KIAA1958: variants seen among roughly 807,000 people sequenced by gnomAD.
KIAA1958 encodes uncharacterized protein KIAA1958.
Under a neutral mutation model 47.2 loss-of-function variants are expected in KIAA1958, and 14 were observed. The ratio of observed to expected loss-of-function variants is 0.30; its 90% confidence interval spans 0.20 to 0.46. The LOEUF (loss-of-function observed/expected upper bound fraction) is 0.46. Among genes scored for constraint, KIAA1958 ranks in the 20% least tolerant of loss-of-function variants. The probability of loss-of-function intolerance (pLI) is 1.00; values close to 1 mark genes in which losing one functional copy is unlikely to be tolerated. For synonymous variants in KIAA1958, 354 were observed against 353.3 expected, an observed-to-expected ratio of 1.00 and a Z score of -0.02; for missense variants, 803 against 909.2, an observed-to-expected ratio of 0.88 and a Z score of 1.50.
At chr9:112,517,480 T>C (rs556669343) in intron 1 of KIAA1958, among the ~76,000 whole-genome samples, 8 of 152,340 alleles carry the variant, frequency 5.3e-5, no homozygotes, top group Non-Finnish European at 1.0e-4. Flanking sequence ...AAACCTAATA[T>C]TGTAAAATTT....
chr9:112,581,158 C>T (rs1209452217), intron 2 of KIAA1958, among the ~76,000 whole-genome samples: 2 of 152,158 alleles, frequency 1.3e-5, no homozygotes, highest in East Asian at 3.8e-4. Context: ...TTAGCTACGT[C>T]ATTTCACTTC....
At chr9:112,617,846 T>C in intron 2 of KIAA1958, 1 of 1,525,340 alleles carries the variant, frequency 6.6e-7, no homozygotes, top group Non-Finnish European at 8.8e-7. Flanking sequence ...ACCCTCTCTA[T>C]CCCTCCCCCC....
In KIAA1958 at chr9:112,660,737, A is replaced by G. The variant is rs1219850475; in HGVS notation, c.*668A>G. The G allele has an allele frequency of 6.6e-6, 1 of 152,450 alleles. No homozygotes were observed. The highest frequency in any genetic ancestry group is 6.5e-5 in the Admixed American group (1 of 15,292). 9.4% of individuals were successfully genotyped at this position (152,450 alleles called of 1,614,324 possible). ...AATGGAGAGAATTTTATGATAAAAG[A>G]TTCACGCACCAGAAGGGTGTCTGTG... On this transcript the variant is annotated 3_prime_UTR_variant, in exon 4 of 4. Transcript: ENST00000337530.
chr9:112,553,329 A>G (rs963556760), intron 1 of KIAA1958, among the ~76,000 whole-genome samples: 17 of 151,910 alleles, frequency 1.1e-4, no homozygotes, highest in African/African-American at 4.1e-4. Context: ...CTGGGACTAC[A>G]GCTCATCTAG....
At chr9:112,498,857 G>A (rs1302821498) in intron 1 of KIAA1958, among the ~76,000 whole-genome samples, 1 of 152,128 alleles carries the variant, frequency 6.6e-6, no homozygotes, top group African/African-American at 2.4e-5. Flanking sequence ...CTATCTAGCT[G>A]TAATTTTGTA....
intron 1 of KIAA1958, among the ~76,000 whole-genome samples, chr9:112,510,933 G>A (rs1834316605): frequency 6.6e-6 from 1 of 152,060 alleles, no homozygotes; most frequent in Admixed American, 6.5e-5. Flanking sequence ...TAAAATCCCT[G>A]AGGTGGGGAC....
At chr9:112,614,504 T>C (rs1330276410) in intron 2 of KIAA1958, among the ~76,000 whole-genome samples, 1 of 152,230 alleles carries the variant, frequency 6.6e-6, no homozygotes, top group East Asian at 1.9e-4. Flanking sequence ...TGTATTTTAT[T>C]ATCAGTCTTC....
intron 2 of KIAA1958, among the ~76,000 whole-genome samples, chr9:112,638,135 A>G (rs1588049965): frequency 6.6e-6 from 1 of 152,238 alleles, no homozygotes; most frequent in East Asian, 1.9e-4. Flanking sequence ...GGCAACAGCG[A>G]GAGACTCCAT....
Position 112,548,444 on chromosome 9 carries a change from G to T in KIAA1958, c.-24-25613G>T, listed in dbSNP as rs553998333. On this transcript the variant is annotated intron_variant, in intron 1 of 3. Transcript: ENST00000337530. ...ACCAGGCTGTAGCCTGACCACCTTG[G>T]GTACATGTTCTTAGGATCTCCTGGG... Among the ~76,000 whole-genome samples the T allele has an allele frequency of 4.6e-5, 7 of 152,152 alleles. No homozygotes were observed. In the East Asian group the frequency reaches 1.4e-3, roughly 29 times the overall value.
rs1294196613 is a variant in KIAA1958 at position 112,618,054 on chromosome 9, C to A, written c.1172-27596C>A. The A allele has an allele frequency of 6.4e-7, 1 of 1,550,544 alleles. No homozygotes were observed. The highest frequency in any genetic ancestry group is 1.2e-5 in the South Asian group (1 of 84,056). On this transcript the variant is annotated intron_variant, in intron 2 of 3. Coordinates refer to ENST00000337530, the MANE Select transcript of KIAA1958 (RefSeq NM_133465.4). This position sits in a 1 kb window ranked among gnomAD's most constrained non-coding sequence, Gnocchi z 7.1. ...TACCTTGCCTCTTTCTTTGTTGATG[C>A]CAGGCAGAAGGATGGGTCCGAATAC...
chr9:112,489,244 TATTTAAAAAAGATAAGCTAACG>T (rs1833920772), intron 1 of KIAA1958, among the ~76,000 whole-genome samples: 1 of 152,222 alleles, frequency 6.6e-6, no homozygotes, highest in East Asian at 1.9e-4. Flanking sequence ...CTCTTTAAAA[TATTTAAAAAAGATAAGCTAACG>T]ATTGAATTGC....
At chr9:112,647,520 GAATA>G (rs1694613771) in intron 3 of KIAA1958, among the ~76,000 whole-genome samples, 1 of 151,856 alleles carries the variant, frequency 6.6e-6, no homozygotes, top group South Asian at 2.1e-4. Context: ...GCATGAGGAT[GAATA>G]AAAACAACAA....
At chr9:112,580,096 G>A (rs959901371) in intron 2 of KIAA1958, among the ~76,000 whole-genome samples, 3 of 152,090 alleles carry the variant, frequency 2.0e-5, no homozygotes, top group Non-Finnish European at 2.9e-5. Context: ...CCTAAATCAC[G>A]CATAGGGGGA....
At chr9:112,620,548 C>T (rs992677254) in intron 2 of KIAA1958, among the ~76,000 whole-genome samples, 4 of 152,188 alleles carry the variant, frequency 2.6e-5, no homozygotes, top group Non-Finnish European at 5.9e-5. Flanking sequence ...TTTCATCTGG[C>T]TAAGGAGTGG....
intron 2 of KIAA1958, among the ~76,000 whole-genome samples, chr9:112,620,402 T>G (rs185429342): frequency 1.2e-4 from 18 of 152,348 alleles, no homozygotes; most frequent in Non-Finnish European, 2.9e-5. Flanking sequence ...TACATTAATT[T>G]AGTGTATAAC....
chr9:112,551,021 CT>C (rs910590399), intron 1 of KIAA1958, among the ~76,000 whole-genome samples: 3 of 150,296 alleles, frequency 2.0e-5, no homozygotes, highest in Admixed American at 1.3e-4. Context: ...TGAATTAACA[CT>C]TTACTGCATA....
At chr9:112,617,896 C>T in intron 2 of KIAA1958, 1 of 1,549,806 alleles carries the variant, frequency 6.5e-7, no homozygotes, top group African/African-American at 1.4e-5. Context: ...CAGCTGAGCT[C>T]AGCAGGGAGC....
chr9:112,633,276 T>C (rs1389987650), intron 2 of KIAA1958, among the ~76,000 whole-genome samples: 2 of 152,162 alleles, frequency 1.3e-5, no homozygotes, highest in Admixed American at 1.3e-4. Context: ...CATGTTTACT[T>C]TCTTAAACTT....
At chr9:112,511,063 T>C (rs778425681) in intron 1 of KIAA1958, among the ~76,000 whole-genome samples, 3 of 151,968 alleles carry the variant, frequency 2.0e-5, no homozygotes, top group African/African-American at 7.3e-5. Context: ...ACTGAGAGCA[T>C]GTGGAAATTA....
Sources: gnomAD v4.1 joint callset for allele counts (sites outside exome capture counted in the v4.1 genomes callset) on GRCh38, gnomAD v4.1.1 for gene constraint, Gnocchi (gnomAD v3.1) non-coding constraint, MANE v1.5 for transcripts, NCBI Gene and HGNC (gene_info 2026-07-23, HGNC 2026-07-21) for gene names.